Variants in RFPL2 observed in about 807,000 individuals in gnomAD.
RFPL2 encodes ret finger protein like 2, also known as ret finger protein-like 2.
A neutral mutation model predicts 17.8 loss-of-function variants in RFPL2; 13 were observed. The ratio of observed to expected loss-of-function variants is 0.73; its 90% CI spans 0.47 to 1.16. The LOEUF (loss-of-function observed/expected upper bound fraction) is 1.16. RFPL2 is among the 50% of genes most tolerant of loss of function. The pLI is 0.00. For missense variants in RFPL2, 431 were observed against 479.3 expected (o/e 0.90, Z 0.94); for synonymous variants, 189 against 180.9 (o/e 1.04, Z -0.36).
At chr22:32,198,412 ACT>A (rs1391397867) in intron 2 of RFPL2, among the ~76,000 whole-genome samples, 16 of 140,830 alleles carry the variant, frequency 1.1e-4, no homozygotes, top group Non-Finnish European at 2.0e-4. Context: ...GTATGTGTGG[ACT>A]CTCTGCTGAG....
intron 2 of RFPL2, among the ~76,000 whole-genome samples, chr22:32,200,516 TG>T (rs2123805423): frequency 6.6e-6 from 1 of 152,148 alleles, no homozygotes; most frequent in African/African-American, 2.4e-5. Flanking sequence ...GGGTGTCTCC[TG>T]GGGAAACAGG....
intron 2 of RFPL2, among the ~76,000 whole-genome samples, chr22:32,201,301 G>A (rs1015734783): frequency 5.3e-5 from 8 of 152,138 alleles, no homozygotes; most frequent in Non-Finnish European, 7.3e-5. Flanking sequence ...GCCTCCCAAA[G>A]TGCTGGGATT....
intron 2 of RFPL2, among the ~76,000 whole-genome samples, chr22:32,195,658 A>T (rs187904665): frequency 0.039 from 5,809 of 150,394 alleles, 145 homozygotes; most frequent in Admixed American, 0.063. Flanking sequence ...GGGTTTCACC[A>T]TTTTGTCCAG....
intron 2 of RFPL2, among the ~76,000 whole-genome samples, chr22:32,199,074 C>T (rs1188562960): frequency 1.3e-5 from 2 of 152,110 alleles, no homozygotes; most frequent in African/African-American, 4.8e-5. Context: ...GGGCCTAGTC[C>T]TTTGGGCTGT....
chr22:32,202,611 G>A (rs1052403537), intron 1 of RFPL2, 61 bp from the exon 2 acceptor site: 90 of 1,425,578 alleles, frequency 6.3e-5, no homozygotes, highest in Non-Finnish European at 8.0e-5. Context: ...CCACTGGGTG[G>A]CAGGGGCCGG....
At chr22:32,193,962 G>A (rs1239693792) in intron 3 of RFPL2, among the ~76,000 whole-genome samples, 4 of 151,422 alleles carry the variant, frequency 2.6e-5, no homozygotes, top group Non-Finnish European at 4.4e-5. Context: ...CCCTTGAACC[G>A]AGGAGTTTGA....
chr22:32,199,902 C>T (rs1372161847), intron 2 of RFPL2: 8 of 443,506 alleles, frequency 1.8e-5, no homozygotes, highest in South Asian at 6.9e-5. Flanking sequence ...GACCTCCTGC[C>T]GCTCGCCCAC....
intron 2 of RFPL2, among the ~76,000 whole-genome samples, chr22:32,198,517 A>T (rs1310273221): frequency 6.6e-6 from 1 of 151,420 alleles, no homozygotes; most frequent in Non-Finnish European, 1.5e-5. Flanking sequence ...TAGGGAGTAG[A>T]TTTTCTATGA....
At chr22:32,198,526 G>A (rs980128920) in intron 2 of RFPL2, among the ~76,000 whole-genome samples, 6 of 152,070 alleles carry the variant, frequency 3.9e-5, no homozygotes, top group Admixed American at 3.3e-4. Context: ...GATTTTCTAT[G>A]AGCCTGTGTC....
chr22:32,202,678 A>G, intron 1 of RFPL2, 128 bp from the exon 2 acceptor site: 1 of 1,355,588 alleles, frequency 7.4e-7, no homozygotes, highest in South Asian at 1.8e-5. Flanking sequence ...TTTTAGCGCA[A>G]GCTGGCCAGG....
chr22:32,202,529 G>T lies in RFPL2; in HGVS notation c.-78C>A, dbSNP rs563211153. The stretch of plus-strand genomic sequence containing the variant: ...CTCCTTCTCAGGGCACTGGGCATCC[G>T]GGCAGACAAAGCCAGAAAAGCCTAG... On this transcript the variant is annotated 5_prime_UTR_variant, in exon 2 of 5. Coordinates refer to ENST00000652607, the MANE Select transcript of RFPL2 (RefSeq NM_001394555.1). The T allele has an allele frequency of 3.9e-6, 6 of 1,539,894 alleles. No homozygotes were observed. The highest frequency in any genetic ancestry group is 5.2e-6 in the Non-Finnish European group (6 of 1,143,170).
intron 2 of RFPL2, among the ~76,000 whole-genome samples, chr22:32,198,369 G>A (rs136488): frequency 0.5 from 76,278 of 151,648 alleles, 21,167 homozygotes; most frequent in African/African-American, 0.73. Flanking sequence ...CATGGGGTCA[G>A]CTGTCCCATC....
chr22:32,197,639 C>T (rs149394275), intron 2 of RFPL2, among the ~76,000 whole-genome samples: 2 of 152,086 alleles, frequency 1.3e-5, no homozygotes, highest in African/African-American at 2.4e-5. Context: ...ATCCCACCTA[C>T]GAGTGAGAAC....
At chr22:32,204,314 C>T (rs1924312487) in intron 1 of RFPL2, among the ~76,000 whole-genome samples, 1 of 152,128 alleles carries the variant, frequency 6.6e-6, no homozygotes, top group Non-Finnish European at 1.5e-5. Flanking sequence ...CCAGCGCGAC[C>T]AGTGCAGCCA....
intron 2 of RFPL2, 61 bp downstream of exon 2, chr22:32,202,272 C>G: frequency 6.5e-7 from 1 of 1,546,962 alleles, no homozygotes. Context: ...TCCTGCCTTC[C>G]TCTTTCCCTT....
Position 32,195,647 on chromosome 22 carries a change from G to A in RFPL2, c.120-1157C>T, listed in dbSNP as rs558398742. Among the ~76,000 whole-genome samples the A allele has an allele frequency of 8.6e-5, 13 of 151,284 alleles. No individual in the cohort carries two copies. The East Asian group carries it at 1.4e-3, about 16-fold the overall frequency. On this transcript the variant is annotated intron_variant, in intron 2 of 4. Transcript: ENST00000652607. ...ATTTTTTTTTTTTTTTAGTAGAGAC[G>A]GGGTTTCACCATTTTGTCCAGGCTG...
rs1366517296 is a variant in RFPL2 at position 32,194,467 on chromosome 22, TC to T, written c.142del (p.Glu48LysfsTer25). ...SLSLIRLEGV[E>X]GRDPVGGGNL... ...CCCACCTCCCACTGGGTCACGCCCT[TC>T]CACACCCTCTAACCTGATGAGGCTT... On this transcript the variant is annotated frameshift_variant, in exon 3 of 5. Coordinates refer to ENST00000652607, the MANE Select transcript of RFPL2 (RefSeq NM_001394555.1). LOFTEE classifies it high-confidence loss of function. The T allele has an allele frequency of 1.9e-6, 3 of 1,611,730 alleles. No homozygotes were observed. In the East Asian group the frequency reaches 6.7e-5, roughly 36 times the overall value.
In RFPL2 at chr22:32,191,248, C is replaced by G. The variant is rs557482476; in HGVS notation, c.661G>C (p.Ala221Pro). Residue 221 changes from alanine (A) to proline (P), a missense_variant, in exon 5 of 5, where the codon GCC (alanine) becomes CCC (proline). Physicochemically the swap from Ala to Pro is conservative, Grantham distance 27. Transcript: ENST00000652607. ...CAAACGGACACGTCAAATCTCTCGG[C>G]AAGGTCTTGCCGATTCTGTCTGATG... Reference protein sequence around the residue: ...GRIRQNRQDLAERFDVSVCIL... With the variant: ...GRIRQNRQDLPERFDVSVCIL... 6.2e-7 allele frequency: 1 copy of G among 1,613,994 alleles called. No homozygotes were observed. The highest frequency in any genetic ancestry group is 1.1e-5 in the South Asian group (1 of 91,070).
chr22:32,197,385 GTTCTTTTTTTT>G (rs1276394321), intron 2 of RFPL2, among the ~76,000 whole-genome samples: 2 of 151,430 alleles, frequency 1.3e-5, no homozygotes, highest in East Asian at 3.9e-4. Flanking sequence ...CAGAAGCCAA[GTTCTTTTTTTT>G]TTCTTTTTTT....
Sources: allele counts gnomAD v4.1 joint callset (sites outside exome capture counted in the v4.1 genomes callset), GRCh38; gene constraint gnomAD v4.1.1; transcripts MANE v1.5; gene names NCBI Gene and HGNC (gene_info 2026-07-23, HGNC 2026-07-21).